UGT2B28: variants seen among roughly 807,000 people sequenced by gnomAD.
UGT2B28 encodes the protein UDP glucuronosyltransferase family 2 member B28, also known as UDP-glucuronosyltransferase 2B28.
A neutral mutation model predicts 43.6 loss-of-function variants in UGT2B28; 45 were observed. The ratio of observed to expected loss-of-function variants is 1.03; its 90% CI spans 0.81 to 1.32. The LOEUF (loss-of-function observed/expected upper bound fraction) is 1.32. Ranked by LOEUF, UGT2B28 falls within the 40% of genes most tolerant of loss-of-function variation. UGT2B28 has a pLI of 0.00. For synonymous variants in UGT2B28, 204 were observed against 208.1 expected (o/e 0.98, Z 0.17); for missense variants, 649 against 625.5 (o/e 1.04, Z -0.40).
At chr4:69,286,071 A>T (rs1247287276) in intron 2 of UGT2B28, among the ~76,000 whole-genome samples, 2 of 141,858 alleles carry the variant, frequency 1.4e-5, no homozygotes, top group Non-Finnish European at 1.5e-5. Context: ...GAGACTCTCA[A>T]GACTGAGTCA....
intron 2 of UGT2B28, among the ~76,000 whole-genome samples, chr4:69,283,550 A>G (rs1233034879): frequency 7.1e-6 from 1 of 140,596 alleles, no homozygotes; most frequent in Non-Finnish European, 1.5e-5. Flanking sequence ...TAGAAAGTTG[A>G]TAGAAATAAT....
chr4:69,293,864 A>T (rs1280809664), intron 5 of UGT2B28, among the ~76,000 whole-genome samples: 1 of 140,732 alleles, frequency 7.1e-6, no homozygotes, highest in Non-Finnish European at 1.5e-5. Context: ...CCATAATCTG[A>T]CTTTAATTTC....
In UGT2B28 at chr4:69,289,089, C is replaced by A. The variant is rs1723865683; in HGVS notation, c.1003-576C>A. ...TCTTCATAAAAGAACCAGTTATAGTCCTTTGCTTATATACCCAGTAATGGG... is the reference window on the plus strand; with the variant it reads ...TCTTCATAAAAGAACCAGTTATAGTACTTTGCTTATATACCCAGTAATGGG... On this transcript the variant is annotated intron_variant, in intron 3 of 5. Coordinates refer to ENST00000335568, the MANE Select transcript of UGT2B28 (RefSeq NM_053039.2). Among the ~76,000 whole-genome samples, 2 of 138,794 alleles carry A rather than the reference C, an allele frequency of 1.4e-5. 1 individual carries two copies. Among genetic ancestry groups the A allele is most frequent in the Non-Finnish European group, 3.1e-5 (2 of 65,410 alleles). The allele number at this position is 138,794 out of a possible 152,430, so 91.1% of individuals were successfully genotyped here.
At position 69,294,749 on chromosome 4, in the gene UGT2B28, G is replaced by C; in HGVS notation, c.1530G>C (p.Lys510Asn). ...CAACTGTGATATTTGTCGTCACAAA[G>C]TTTTGTCTGTTTTGTTTCTGGAAGT... ...CVATVIFVVTKFCLFCFWKFA... is the reference protein window; with the variant it reads ...CVATVIFVVTNFCLFCFWKFA... The change falls in exon 6 of 6, where the codon AAG becomes AAC. Residue 510 changes from lysine (K) to asparagine (N), a missense_variant. By Grantham distance (94) the Lys-to-Asn change is moderately conservative. Coordinates refer to ENST00000335568, the MANE Select transcript of UGT2B28 (RefSeq NM_053039.2). 2 of 1,559,076 alleles carry C rather than the reference G, an allele frequency of 1.3e-6. No individual in the cohort carries two copies. Among genetic ancestry groups the C allele is most frequent in the East Asian group, 4.6e-5 (2 of 43,482 alleles).
intron 3 of UGT2B28, among the ~76,000 whole-genome samples, chr4:69,288,954 T>G (rs1220688044): frequency 1.4e-5 from 2 of 140,842 alleles, no homozygotes; most frequent in Non-Finnish European, 3.0e-5. Flanking sequence ...TATTCTGTAG[T>G]GTATATATGC....
rs779031000 is a variant in UGT2B28, at chr4:69,280,924, G to A, written c.424G>A (p.Glu142Lys). The A allele has an allele frequency of 6.4e-7, 1 of 1,559,844 alleles. No individual in the cohort carries two copies. Among genetic ancestry groups the A allele is most frequent in the Admixed American group, 1.8e-5 (1 of 56,192 alleles). Residue 142 changes from glutamate to lysine, a missense_variant, in exon 1 of 6, where the codon GAG becomes AAG. By Grantham distance (56) the Glu-to-Lys change is moderately conservative. Transcript: ENST00000335568. ...TAAGAAAGTTATGAAAAAACTACAA[G>A]AGTCAAGATTTGACATCATTTTTGC... The part of the protein sequence containing the change: ...SNKKVMKKLQ[E>K]SRFDIIFADA...
In UGT2B28 at chr4:69,294,791, G is replaced by A; in HGVS notation, c.1572G>A (p.Lys524=). The A allele has an allele frequency of 8.4e-6, 13 of 1,556,160 alleles. 1 individual carries two copies. The highest frequency in any genetic ancestry group is 8.7e-6 in the Non-Finnish European group (10 of 1,153,932). The stretch of plus-strand genomic sequence containing the variant: ...TCTGGAAGTTTGCTAGAAAAGGGAA[G>A]AAGGGAAAAAGAGATTAGTTATGTC... ...FCFWKFARKG[K]KGKRD The change falls in exon 6 of 6, where the codon AAG becomes AAA. Residue 524 remains lysine, a synonymous_variant. Transcript: ENST00000335568.
rs1223860536 is a variant in UGT2B28 at position 69,292,962 on chromosome 4, C to A, written c.1311-1568C>A. On this transcript the variant is annotated intron_variant, in intron 5 of 5. Transcript: ENST00000335568. ...ATTCTACTCTCAATTATATACACAACAGATATACATAAATATATAAATCTA... is the reference window on the plus strand; with the variant it reads ...ATTCTACTCTCAATTATATACACAAAAGATATACATAAATATATAAATCTA... Among the ~76,000 whole-genome samples the A allele has an allele frequency of 2.1e-5, 3 of 140,388 alleles. 1 individual carries two copies. The highest frequency in any genetic ancestry group is 4.6e-5 in the Non-Finnish European group (3 of 65,622). The allele number at this position is 140,388 out of a possible 152,430, so 92.1% of individuals were successfully genotyped here.
rs1186759634 is a variant in UGT2B28 at position 69,294,938 on chromosome 4, T to G, written c.*129T>G. The G allele has an allele frequency of 6.4e-6, 8 of 1,250,122 alleles. 1 individual carries two copies. Among genetic ancestry groups the G allele is most frequent in the African/African-American group, 1.8e-5 (1 of 56,508 alleles). The allele number at this position is 1,250,122 out of a possible 1,614,324, so 77.4% of individuals were successfully genotyped here. Reference sequence around the variant, plus strand: ...ACAAAAAAAAAAACTTTTCAAAATCTACCTTGTCAAGTAAAAATTTGTTTT... The same window carrying G: ...ACAAAAAAAAAAACTTTTCAAAATCGACCTTGTCAAGTAAAAATTTGTTTT... On this transcript the variant is annotated 3_prime_UTR_variant, in exon 6 of 6. Transcript: ENST00000335568.
Position 69,290,504 on chromosome 4 carries a change from C to A in UGT2B28, c.1091-88C>A, listed in dbSNP as rs185839626. ...ATGGCAAATTAGTTTAATGTGTTAT[C>A]TAGAAAACACTGTCACTTTCAGAGC... On this transcript the variant is annotated intron_variant, in intron 4 of 5. Transcript: ENST00000335568. 327 of 1,469,046 alleles carry A rather than the reference C, an allele frequency of 2.2e-4. 33 individuals are homozygous for A. The East Asian group carries it at 6.9e-3, about 31-fold the overall frequency. 91.0% of individuals were successfully genotyped at this position (1,469,046 alleles called of 1,614,324 possible).
intron 1 of UGT2B28, among the ~76,000 whole-genome samples, 194 bp from the exon 2 acceptor site, chr4:69,282,320 T>G (rs1723636935): frequency 7.1e-6 from 1 of 140,140 alleles, no homozygotes; most frequent in Non-Finnish European, 1.5e-5. Context: ...ACTTTGCCTT[T>G]CTTATAAATA....
At chr4:69,294,309 C>T (rs753181587) in intron 5 of UGT2B28, among the ~76,000 whole-genome samples, 1 of 138,756 alleles carries the variant, frequency 7.2e-6, no homozygotes, top group Non-Finnish European at 1.5e-5. Context: ...AATTTTCTCA[C>T]CTGACCTTCC....
intron 5 of UGT2B28, among the ~76,000 whole-genome samples, chr4:69,292,601 G>A (rs1723985400): frequency 7.2e-6 from 1 of 139,766 alleles, no homozygotes; most frequent in South Asian, 2.4e-4. Flanking sequence ...TTAACAAATG[G>A]ATTCTTACAA....
chr4:69,290,225 A>G (rs1272360442), intron 4 of UGT2B28, among the ~76,000 whole-genome samples: 1 of 139,756 alleles, frequency 7.2e-6, no homozygotes, highest in African/African-American at 2.8e-5. Flanking sequence ...TAGCACCACC[A>G]CCAACCCACT....
rs188863192 is a variant in UGT2B28, at chr4:69,282,341, A to G, written c.722-173A>G. Among the ~76,000 whole-genome samples, 2 of 140,500 alleles carry G rather than the reference A, an allele frequency of 1.4e-5. 1 individual carries two copies. Among genetic ancestry groups the G allele is most frequent in the African/African-American group, 5.5e-5 (2 of 36,102 alleles). 92.2% of individuals were successfully genotyped at this position (140,500 alleles called of 152,430 possible). The stretch of plus-strand genomic sequence containing the variant: ...CCTTTCTTATAAATAAACATGGACA[A>G]AATATATAATACATAAAAATATATT... On this transcript the variant is annotated intron_variant, in intron 1 of 5. Coordinates refer to ENST00000335568, the MANE Select transcript of UGT2B28 (RefSeq NM_053039.2).
At chr4:69,284,852 C>G (rs1178220922) in intron 2 of UGT2B28, among the ~76,000 whole-genome samples, 2 of 139,686 alleles carry the variant, frequency 1.4e-5, no homozygotes, top group Admixed American at 1.4e-4. Flanking sequence ...GAATAAGACA[C>G]TTGACAAACT....
Position 69,286,862 on chromosome 4 carries a change from C to T in UGT2B28, c.981C>T (p.Ala327=). ...AAAGGGCCAACGTAATTGCAACAGC[C>T]CTTGCCAAGATCCCACAAAAGGTAA... ...TAERANVIAT[A]LAKIPQKVLW... is the part of the protein sequence containing the mutation. Residue 327 remains alanine, a synonymous_variant, in exon 3 of 6, where the codon GCC becomes GCT. Transcript: ENST00000335568. 1 of 1,555,902 alleles carries T rather than the reference C, an allele frequency of 6.4e-7. No homozygotes were observed. The highest frequency in any genetic ancestry group is 1.5e-5 in the African/African-American group (1 of 64,964).
rs1272982685 is a variant in UGT2B28, at chr4:69,283,847, T to C, written c.870+1185T>C. ...TATGACAGATACCCTGTGGACTTGATTAAAATTAGACATATCAATTGTGAC... is the reference window on the plus strand; with the variant it reads ...TATGACAGATACCCTGTGGACTTGACTAAAATTAGACATATCAATTGTGAC... On this transcript the variant is annotated intron_variant, in intron 2 of 5. Transcript: ENST00000335568. 1.4e-5 allele frequency among the ~76,000 whole-genome samples: 2 copies of C among 140,368 alleles called. 1 individual carries two copies. The highest frequency in any genetic ancestry group is 3.0e-5 in the Non-Finnish European group (2 of 65,624). 92.1% of individuals were successfully genotyped at this position (140,368 alleles called of 152,430 possible).
Position 69,282,543 on chromosome 4 carries a change from G to T in UGT2B28, c.751G>T (p.Gly251Trp). The change falls in exon 2 of 6, where the codon GGG becomes TGG. Residue 251 changes from glycine to tryptophan, a missense_variant. Coordinates refer to ENST00000335568, the MANE Select transcript of UGT2B28 (RefSeq NM_053039.2). The part of the protein sequence containing the change: ...GRPTTLFETM[G>W]KADIWLMRNS... ...ACCCACTACCTTATTTGAGACAATG[G>T]GGAAAGCTGACATATGGCTTATGCG... 1.3e-6 allele frequency: 2 copies of T among 1,549,954 alleles called. No individual in the cohort carries two copies. Among genetic ancestry groups the T allele is most frequent in the African/African-American group, 3.1e-5 (2 of 65,052 alleles).
Sources: allele counts gnomAD v4.1 joint callset (sites outside exome capture counted in the v4.1 genomes callset), GRCh38; gene constraint gnomAD v4.1.1; transcripts MANE v1.5; gene names NCBI Gene and HGNC (gene_info 2026-07-23, HGNC 2026-07-21).